Variants in GPNMB observed in about 807,000 individuals in gnomAD.
The protein encoded by GPNMB is transmembrane glycoprotein NMB.
In GPNMB, 71 loss-of-function variants were observed where a neutral mutation model predicts 57.3. The ratio of observed to expected loss-of-function variants is 1.24; its 90% CI spans 1.02 to 1.51. The LOEUF is 1.51. GPNMB is among the 40% of genes most tolerant of loss of function. The pLI, the probability that GPNMB is intolerant of heterozygous loss-of-function variation, is 0.00. For synonymous variants in GPNMB, 253 were observed against 263.2 expected (o/e 0.96, Z 0.38); for missense variants, 677 against 691.9 (o/e 0.98, Z 0.24).
Position 23,256,888 on chromosome 7 carries a change from T to A in GPNMB, c.368-4T>A. The A allele has an allele frequency of 6.2e-7, 1 of 1,613,354 alleles. No individual in the cohort carries two copies. Among genetic ancestry groups the A allele is most frequent in the Non-Finnish European group, 8.5e-7 (1 of 1,179,274 alleles). ...ACTCATGGCTGGTTTCTATCTCTGTTTAGAGGCTGGTTTATCTGCTGATCC... is the reference window on the plus strand; with the variant it reads ...ACTCATGGCTGGTTTCTATCTCTGTATAGAGGCTGGTTTATCTGCTGATCC... On this transcript the variant is annotated splice_region_variant and splice_polypyrimidine_tract_variant and intron_variant, in intron 3 of 10. Transcript: ENST00000258733.
chr7:23,251,001 C>T (rs1355736187), intron 1 of GPNMB: 3 of 152,158 alleles, frequency 2.0e-5, no homozygotes, highest in Non-Finnish European at 4.4e-5. Context: ...CAAATGTCCT[C>T]CCCTCACTTA....
Position 23,254,176 on chromosome 7 carries a change from T to A in GPNMB, c.231T>A (p.Arg77=). 1 of 1,612,662 alleles carries A rather than the reference T, an allele frequency of 6.2e-7. No individual in the cohort carries two copies. Among genetic ancestry groups the A allele is most frequent in the Non-Finnish European group, 8.5e-7 (1 of 1,179,434 alleles). Residue 77 remains arginine (R), a synonymous_variant, in exon 3 of 11, where the codon CGT becomes CGA. Coordinates refer to ENST00000258733, the MANE Select transcript of GPNMB (RefSeq NM_002510.3). The part of the protein sequence containing the change: ...MRWKNSWKGG[R]VQAVLTSDSP... The stretch of plus-strand genomic sequence containing the variant: ...CACTTTTTTATACCCTAGGAGGCCG[T>A]GTGCAGGCGGTCCTGACCAGTGACT...
chr7:23,251,658 A>T lies in GPNMB; in HGVS notation c.71-1649A>T, dbSNP rs576251927. Among the ~76,000 whole-genome samples the T allele has an allele frequency of 1.3e-3, 194 of 152,314 alleles. 1 individual carries two copies. The highest frequency in any genetic ancestry group is 4.4e-3 in the African/African-American group (183 of 41,570). On this transcript the variant is annotated intron_variant, in intron 1 of 10. Transcript: ENST00000258733. Reference sequence around the variant, plus strand: ...TGGCTGCCATAGCTCTGGGCATCACATCATTACACTACCATCTCCAAAATC... The same window carrying T: ...TGGCTGCCATAGCTCTGGGCATCACTTCATTACACTACCATCTCCAAAATC...
rs144745164 is a variant in GPNMB at position 23,248,940 on chromosome 7, C to A, written c.70+2013C>A. Among the ~76,000 whole-genome samples the A allele has an allele frequency of 6.5e-3, 990 of 152,224 alleles. 11 individuals are homozygous for A. Among genetic ancestry groups the A allele is most frequent in the African/African-American group, 0.023 (935 of 41,520 alleles). ...CTGGGACCACAGGCACGTGCCACCA[C>A]ACCCAGATAATTTTTGTATTTTTTG... On this transcript the variant is annotated intron_variant, in intron 1 of 10. Transcript: ENST00000258733.
In GPNMB at chr7:23,247,111, T is replaced by C. The variant is rs955900243; in HGVS notation, c.70+184T>C. ...GAAACTACAGCAAAATGCCTCCAGC[T>C]CCATTCTTTGCTTTCGGCTCATGGA... On this transcript the variant is annotated intron_variant, in intron 1 of 10. Transcript: ENST00000258733. The C allele has an allele frequency of 4.9e-6, 3 of 608,692 alleles. No individual in the cohort carries two copies. In the Admixed American group the frequency reaches 8.2e-5, roughly 17 times the overall value. 37.7% of individuals were successfully genotyped at this position (608,692 alleles called of 1,614,324 possible). A position where few individuals can be genotyped will look rare whatever the true frequency, so the allele number is the denominator to read the frequency against.
At chr7:23,262,495 A>G (rs1782948392) in intron 6 of GPNMB, among the ~76,000 whole-genome samples, 1 of 152,144 alleles carries the variant, frequency 6.6e-6, no homozygotes, top group Admixed American at 6.5e-5. Flanking sequence ...TTCTAATTTA[A>G]CAAACATTAT....
At chr7:23,270,956 A>T (rs1258658064) in intron 9 of GPNMB, among the ~76,000 whole-genome samples, 1 of 152,226 alleles carries the variant, frequency 6.6e-6, no homozygotes, top group Non-Finnish European at 1.5e-5. Context: ...ACGTGGTAGG[A>T]TGAAAGGGAA....
chr7:23,260,929 C>A (rs1258388907), intron 6 of GPNMB, among the ~76,000 whole-genome samples, 156 bp downstream of exon 6: 1 of 152,118 alleles, frequency 6.6e-6, no homozygotes, highest in East Asian at 1.9e-4. Context: ...AAGTTATCAC[C>A]ATTTTACACC....
intron 4 of GPNMB, 171 bp downstream of exon 4, chr7:23,257,236 AC>A: frequency 1.5e-6 from 1 of 663,426 alleles, no homozygotes; most frequent in Non-Finnish European, 2.7e-6. Context: ...ATCTTGGTTA[AC>A]CTTGCCAAAT....
At chr7:23,249,675 A>G (rs1040752856) in intron 1 of GPNMB, among the ~76,000 whole-genome samples, 1 of 152,216 alleles carries the variant, frequency 6.6e-6, no homozygotes, top group East Asian at 1.9e-4. Flanking sequence ...ATTCCATGGT[A>G]TGGATGTACC....
chr7:23,262,134 A>G (rs1210768731), intron 6 of GPNMB, among the ~76,000 whole-genome samples: 1 of 152,244 alleles, frequency 6.6e-6, no homozygotes, highest in Non-Finnish European at 1.5e-5. Context: ...GTTTTACAAT[A>G]AGATGTTAGT....
chr7:23,265,816 G>C lies in GPNMB; in HGVS notation c.1019-701G>C, dbSNP rs1439101130. 2.6e-5 allele frequency among the ~76,000 whole-genome samples: 4 copies of C among 151,156 alleles called. 1 individual carries two copies. The highest frequency in any genetic ancestry group is 9.7e-5 in the African/African-American group (4 of 41,050). On this transcript the variant is annotated intron_variant, in intron 6 of 10. Coordinates refer to ENST00000258733, the MANE Select transcript of GPNMB (RefSeq NM_002510.3). The stretch of plus-strand genomic sequence containing the variant: ...CAAAAACAGATTAAATGATGTGCCT[G>C]TGGTCTCAAACAGCTAAAAACAAGG...
chr7:23,260,806 C>T, intron 6 of GPNMB, 33 bp downstream of exon 6: 1 of 1,432,968 alleles, frequency 7.0e-7, no homozygotes, highest in Non-Finnish European at 9.3e-7. Context: ...GAGGGAGGCT[C>T]CTTAATGGCT....
Position 23,274,294 on chromosome 7 carries a change from C to A in GPNMB, c.*70C>A, listed in dbSNP as rs1783285239. The A allele has an allele frequency of 6.2e-6, 7 of 1,120,170 alleles. No individual in the cohort carries two copies. Among genetic ancestry groups the A allele is most frequent in the Non-Finnish European group, 9.2e-6 (7 of 761,554 alleles). 69.4% of individuals were successfully genotyped at this position (1,120,170 alleles called of 1,614,324 possible). ...TGAGATGTGCTGGAGTGGCTATTAA[C>A]CTTTTTTTCCTAAAGATTATTGTTA... On this transcript the variant is annotated 3_prime_UTR_variant, in exon 11 of 11. Coordinates refer to ENST00000258733, the MANE Select transcript of GPNMB (RefSeq NM_002510.3).
At chr7:23,258,650 CTG>C (rs1197155650) in intron 4 of GPNMB, among the ~76,000 whole-genome samples, 12 of 152,082 alleles carry the variant, frequency 7.9e-5, no homozygotes, top group Non-Finnish European at 1.6e-4. Context: ...CTGTCTTCCA[CTG>C]AGGTCTCAGA....
chr7:23,269,005 C>T (rs1483534836), intron 8 of GPNMB, among the ~76,000 whole-genome samples: 2 of 152,164 alleles, frequency 1.3e-5, no homozygotes, highest in Non-Finnish European at 2.9e-5. Flanking sequence ...CCAGCTCCAC[C>T]CCTGGCTGCT....
chr7:23,256,633 C>T (rs1032857611), intron 3 of GPNMB, among the ~76,000 whole-genome samples: 4 of 152,192 alleles, frequency 2.6e-5, no homozygotes, highest in African/African-American at 9.7e-5. Flanking sequence ...AAGAAAAATA[C>T]ATTAAATGAT....
intron 9 of GPNMB, chr7:23,273,313 A>G: frequency 3.8e-6 from 2 of 525,938 alleles, no homozygotes; most frequent in Non-Finnish European, 6.7e-6. Flanking sequence ...CCCTTACCAC[A>G]GTGTTCCAGA....
intron 5 of GPNMB, 29 bp downstream of exon 5, chr7:23,260,167 G>C (rs1159167100): frequency 1.2e-6 from 2 of 1,609,588 alleles, no homozygotes; most frequent in African/African-American, 2.7e-5. Context: ...AACTGAGGAT[G>C]AGGCACTTCA....
Sources: gnomAD v4.1 joint callset for allele counts (sites outside exome capture counted in the v4.1 genomes callset) on GRCh38, gnomAD v4.1.1 for gene constraint, MANE v1.5 for transcripts, NCBI Gene and HGNC (gene_info 2026-07-23, HGNC 2026-07-21) for gene names.